NTNG1: variants seen among roughly 807,000 people sequenced by gnomAD.
The protein encoded by NTNG1 is netrin G1, also known as netrin-G1.
Under a neutral mutation model 54.0 loss-of-function variants are expected in NTNG1, and 16 were observed. The observed-to-expected ratio is 0.30, with a 90% confidence interval of 0.20 to 0.45. The LOEUF (loss-of-function observed/expected upper bound fraction) is 0.45. NTNG1 is among the 20% of genes least tolerant of loss of function. The pLI is 1.00. For synonymous variants in NTNG1, 255 were observed against 263.1 expected (o/e 0.97, Z 0.30); for missense variants, 530 against 678.7 (o/e 0.78, Z 2.43).
chr1:107,239,272 T>C (rs1371257938), intron 2 of NTNG1, among the ~76,000 whole-genome samples: 1 of 152,140 alleles, frequency 6.6e-6, no homozygotes, highest in Non-Finnish European at 1.5e-5. Context: ...ATTTAGAAAA[T>C]TTAATGAATA....
Position 107,480,762 on chromosome 1 carries a change from G to A in NTNG1, c.1542G>A (p.Gln514=). 6.2e-7 allele frequency: 1 copy of A among 1,605,582 alleles called. No homozygotes were observed. Among genetic ancestry groups the A allele is most frequent in the Non-Finnish European group, 8.5e-7 (1 of 1,177,558 alleles). ...EAGSCGSDSG[Q]GAPPHGSPAL... is the part of the protein sequence containing the mutation. ...GCAGCTGCGGCTCCGACTCTGGCCA[G>A]GGCGCGCCCCCGCACGGCTCCCCAG... Residue 514 remains glutamine (Q), a synonymous_variant, in exon 8 of 8, where the codon CAG becomes CAA. Transcript: ENST00000370068.
intron 7 of NTNG1, among the ~76,000 whole-genome samples, chr1:107,451,278 C>T (rs960619263): frequency 3.3e-5 from 5 of 151,816 alleles, no homozygotes; most frequent in African/African-American, 9.7e-5. Context: ...TTGTTTATTC[C>T]TGTAAAAAGA....
intron 4 of NTNG1, among the ~76,000 whole-genome samples, chr1:107,396,772 T>C (rs1353907282): frequency 3.9e-5 from 6 of 152,172 alleles, no homozygotes. Context: ...GTCTGCTCCT[T>C]CTTTAGTAGA....
chr1:107,391,766 A>G (rs1282527767), intron 3 of NTNG1, among the ~76,000 whole-genome samples: 1 of 152,016 alleles, frequency 6.6e-6, no homozygotes, highest in Admixed American at 6.6e-5. Flanking sequence ...TGGAGGGAGA[A>G]CTCAGTCATT....
intron 6 of NTNG1, 79 bp from the exon 7 acceptor site, chr1:107,436,586 A>G (rs993123893): frequency 5.0e-6 from 6 of 1,211,776 alleles, no homozygotes; most frequent in Non-Finnish European, 5.6e-6. Flanking sequence ...GATGCATTTA[A>G]GTACGTGACG....
rs554425510 is a variant in NTNG1, at chr1:107,282,677, A to G, written c.247-41605A>G. Among the ~76,000 whole-genome samples the G allele has an allele frequency of 2.6e-5, 4 of 152,246 alleles. No individual in the cohort carries two copies. In the South Asian group the frequency reaches 6.2e-4, roughly 24 times the overall value. On this transcript the variant is annotated intron_variant, in intron 2 of 7. Transcript: ENST00000370068. Reference sequence around the variant, plus strand: ...CTGATGCTAATCCACCCTTGGTTCTAGTTAGCTTCAGATCCCAACGATTAT... The same window carrying G: ...CTGATGCTAATCCACCCTTGGTTCTGGTTAGCTTCAGATCCCAACGATTAT...
At chr1:107,188,763 G>A (rs1657664394) in intron 2 of NTNG1, among the ~76,000 whole-genome samples, 1 of 152,008 alleles carries the variant, frequency 6.6e-6, no homozygotes, top group Non-Finnish European at 1.5e-5. Context: ...CCACATAACA[G>A]GGCAGAATTT....
intron 3 of NTNG1, among the ~76,000 whole-genome samples, chr1:107,371,877 A>G (rs150175336): frequency 6.6e-6 from 1 of 152,120 alleles, no homozygotes; most frequent in African/African-American, 2.4e-5. Context: ...TTATTTTGAA[A>G]TATTTGCATT....
chr1:107,289,562 ATTCTCAACTTAAATATCAC>A (rs1440811575), intron 2 of NTNG1, among the ~76,000 whole-genome samples: 2 of 152,076 alleles, frequency 1.3e-5, no homozygotes, highest in African/African-American at 4.8e-5. Context: ...TTATGTTGTC[ATTCTCAACTTAAATATCAC>A]TTCATTATAA....
At chr1:107,442,451 A>G (rs986631477) in intron 7 of NTNG1, among the ~76,000 whole-genome samples, 7 of 152,134 alleles carry the variant, frequency 4.6e-5, no homozygotes, top group African/African-American at 1.2e-4. Context: ...CAACTTGACT[A>G]TCAAACGCTC....
At chr1:107,281,298 C>G (rs1664845320) in intron 2 of NTNG1, among the ~76,000 whole-genome samples, 1 of 152,012 alleles carries the variant, frequency 6.6e-6, no homozygotes, top group Admixed American at 6.6e-5. Flanking sequence ...CAGCCTCAGT[C>G]TGCTATCTTC....
intron 3 of NTNG1, among the ~76,000 whole-genome samples, chr1:107,347,874 C>A (rs1019306779): frequency 6.6e-6 from 1 of 152,034 alleles, no homozygotes; most frequent in East Asian, 1.9e-4. Flanking sequence ...CTCGTGAGAA[C>A]TCCCTCACTA....
At chr1:107,285,388 A>G (rs770669601) in intron 2 of NTNG1, among the ~76,000 whole-genome samples, 4 of 152,144 alleles carry the variant, frequency 2.6e-5, no homozygotes, top group Non-Finnish European at 1.5e-5. Context: ...TATAAAAGTG[A>G]AAGGAAATTA....
chr1:107,232,474 C>T (rs572448320), intron 2 of NTNG1, among the ~76,000 whole-genome samples: 1 of 152,262 alleles, frequency 6.6e-6, no homozygotes, highest in African/African-American at 2.4e-5. Context: ...TCACCATGTG[C>T]TTATATTGCT....
intron 2 of NTNG1, among the ~76,000 whole-genome samples, chr1:107,195,560 A>G (rs1226338876): frequency 2.6e-5 from 4 of 151,794 alleles, no homozygotes; most frequent in Non-Finnish European, 5.9e-5. Flanking sequence ...GCCCTACATA[A>G]TTTGATTCCT....
chr1:107,324,973 A>T (rs763981212), intron 3 of NTNG1, 51 bp downstream of exon 3: 7 of 1,513,436 alleles, frequency 4.6e-6, no homozygotes, highest in Non-Finnish European at 6.2e-6. Context: ...TCCAAAGAAA[A>T]TGCCAGAGTG....
chr1:107,227,666 G>GCTCT (rs10642554), intron 2 of NTNG1, among the ~76,000 whole-genome samples: 11,782 of 144,486 alleles, frequency 0.082, 664 homozygotes, highest in African/African-American at 0.17. Flanking sequence ...TGTCTCTCTC[G>GCTCT]CTCTCTCTCT....
At chr1:107,397,708 G>T (rs1156817445) in intron 4 of NTNG1, among the ~76,000 whole-genome samples, 1 of 151,162 alleles carries the variant, frequency 6.6e-6, no homozygotes, top group East Asian at 2.0e-4. Context: ...AGTTTTAACT[G>T]GTATAAAAGT....
chr1:107,268,474 G>A lies in NTNG1; in HGVS notation c.247-55808G>A, dbSNP rs1057249657. On this transcript the variant is annotated intron_variant, in intron 2 of 7. Transcript: ENST00000370068. The stretch of plus-strand genomic sequence containing the variant: ...GCTTTTTGGACTCCTGATCTTGGCT[G>A]TCTCTCATCATATTTTTTTTTTTTT... Among the ~76,000 whole-genome samples, 3 of 140,884 alleles carry A rather than the reference G, an allele frequency of 2.1e-5. No homozygotes were observed. In the Admixed American group the frequency reaches 2.3e-4, roughly 11 times the overall value. The allele number at this position is 140,884 out of a possible 152,430, so 92.4% of individuals were successfully genotyped here. A position where few individuals can be genotyped will look rare whatever the true frequency, so the allele number is the denominator to read the frequency against.
Sources: allele counts gnomAD v4.1 joint callset (sites outside exome capture counted in the v4.1 genomes callset), GRCh38; gene constraint gnomAD v4.1.1; transcripts MANE v1.5; gene names NCBI Gene and HGNC (gene_info 2026-07-23, HGNC 2026-07-21).